Variants in ZCCHC7 observed in about 807,000 individuals in gnomAD.
The protein encoded by ZCCHC7 is zinc finger CCHC domain-containing protein 7.
ZCCHC7 carries 35 observed loss-of-function variants against 52.0 expected under a neutral mutation model. That is an observed-to-expected ratio of 0.67 (90% confidence interval 0.51 to 0.89). The LOEUF is 0.89. Ranked by LOEUF, ZCCHC7 falls within the 40% of genes least tolerant of loss-of-function variation. The pLI is 0.00. For synonymous variants in ZCCHC7, 217 were observed against 221.5 expected (o/e 0.98, Z 0.18); for missense variants, 574 against 649.1 (o/e 0.88, Z 1.26).
chr9:37,128,540 G>C (rs1436650419), intron 2 of ZCCHC7, among the ~76,000 whole-genome samples: 1 of 152,120 alleles, frequency 6.6e-6, no homozygotes, highest in Non-Finnish European at 1.5e-5. Context: ...TTGAGAAAAT[G>C]CATATTAGAA....
At chr9:37,328,329 A>G (rs914448855) in intron 6 of ZCCHC7, among the ~76,000 whole-genome samples, 4 of 152,040 alleles carry the variant, frequency 2.6e-5, no homozygotes, top group African/African-American at 9.7e-5. Flanking sequence ...GACTTATTCA[A>G]AATGTATAAA....
intron 2 of ZCCHC7, among the ~76,000 whole-genome samples, chr9:37,152,207 C>T (rs931464915): frequency 2.0e-5 from 3 of 150,814 alleles, no homozygotes; most frequent in Non-Finnish European, 4.4e-5. Flanking sequence ...TGAACTTCCC[C>T]CTTTCTTCAT....
At chr9:37,175,665 G>A (rs1452884017) in intron 2 of ZCCHC7, among the ~76,000 whole-genome samples, 2 of 152,066 alleles carry the variant, frequency 1.3e-5, no homozygotes, top group Admixed American at 6.5e-5. Context: ...TTAAACCCCC[G>A]AGGAGGCTGA....
Position 37,357,182 on chromosome 9 carries a change from G to C in ZCCHC7, c.1546G>C (p.Gly516Arg). Residue 516 changes from glycine to arginine, a missense_variant, in exon 9 of 9, where the codon GGC (glycine) becomes CGC (arginine). By Grantham distance (125) the Gly-to-Arg change is moderately radical (BLOSUM62 -2). Around this residue, in one of 3 missense-constraint regions of ZCCHC7, gnomAD observed 168 missense variants for 171.6 expected, o/e 0.98. Coordinates refer to ENST00000336755, the MANE Select transcript of ZCCHC7 (RefSeq NM_032226.3). ...EDKSPKEGKR[G>R]KQKKKERCWE... Reference sequence around the variant, plus strand: ...CAAGTCTCCCAAGGAAGGCAAGAGGGGCAAGCAGAAGAAAAAGGAGAGGTG... The same window carrying C: ...CAAGTCTCCCAAGGAAGGCAAGAGGCGCAAGCAGAAGAAAAAGGAGAGGTG... 1 of 1,613,354 alleles carries C rather than the reference G, an allele frequency of 6.2e-7. No homozygotes were observed. The highest frequency in any genetic ancestry group is 8.5e-7 in the Non-Finnish European group (1 of 1,179,882).
At chr9:37,292,610 A>AT (rs1469538795) in intron 2 of ZCCHC7, among the ~76,000 whole-genome samples, 2 of 152,172 alleles carry the variant, frequency 1.3e-5, no homozygotes, top group African/African-American at 4.8e-5. Flanking sequence ...AGATAAATCC[A>AT]TTAAAAAAAA....
In ZCCHC7 at chr9:37,285,879, A is replaced by T. The variant is rs148502848; in HGVS notation, c.611-16309A>T. Among the ~76,000 whole-genome samples, 127 of 152,338 alleles carry T rather than the reference A, an allele frequency of 8.3e-4. 1 individual carries two copies. Among genetic ancestry groups the T allele is most frequent in the African/African-American group, 2.8e-3 (117 of 41,590 alleles). On this transcript the variant is annotated intron_variant, in intron 2 of 8. Transcript: ENST00000336755. ...ATGGAACTGGTTCCTGTCTCCTTACATCCTGGTGTAATTATATAATAAAAG... is the reference window on the plus strand; with the variant it reads ...ATGGAACTGGTTCCTGTCTCCTTACTTCCTGGTGTAATTATATAATAAAAG...
chr9:37,304,506 A>T (rs531809744), intron 4 of ZCCHC7, among the ~76,000 whole-genome samples, 193 bp downstream of exon 4: 4 of 152,166 alleles, frequency 2.6e-5, no homozygotes, highest in South Asian at 4.2e-4. Context: ...ATATACAAAA[A>T]ATTAGCCGGG....
intron 5 of ZCCHC7, among the ~76,000 whole-genome samples, chr9:37,306,623 A>ATG (rs1329862553): frequency 1.4e-5 from 2 of 143,650 alleles, no homozygotes; most frequent in African/African-American, 2.6e-5. Context: ...GTGCCACCAC[A>ATG]CCTGGCTAAT....
rs532899900 is a variant in ZCCHC7 at position 37,187,860 on chromosome 9, G to A, written c.610+60918G>A. On this transcript the variant is annotated intron_variant, in intron 2 of 8. Coordinates refer to ENST00000336755, the MANE Select transcript of ZCCHC7 (RefSeq NM_032226.3). ...GTGGAACCCATGGGTATGAAGGCCC[G>A]ACTGTGCTGGGTTAAAAGGTCTTTT... Among the ~76,000 whole-genome samples, 31 of 152,118 alleles carry A rather than the reference G, an allele frequency of 2.0e-4. No homozygotes were observed. In the South Asian group the frequency reaches 5.6e-3, roughly 27 times the overall value.
intron 7 of ZCCHC7, 139 bp downstream of exon 7, chr9:37,349,591 G>A: frequency 1.2e-6 from 1 of 802,292 alleles, no homozygotes; most frequent in Non-Finnish European, 2.0e-6. Flanking sequence ...TTTTCAACTG[G>A]TTTACCCCTC....
chr9:37,126,405 C>T lies in ZCCHC7; in HGVS notation c.73C>T (p.Leu25=), dbSNP rs1212359008. 8.1e-6 allele frequency: 13 copies of T among 1,613,874 alleles called. No homozygotes were observed. Among genetic ancestry groups the T allele is most frequent in the Non-Finnish European group, 9.3e-6 (11 of 1,180,006 alleles). Residue 25 remains leucine (L), a synonymous_variant, in exon 2 of 9, where the codon CTG becomes TTG. Transcript: ENST00000336755. ...DLYRDESSSE[L]SVDSEVEFQL... ...TTATCGAGATGAGTCATCTAGTGAA[C>T]TGAGTGTTGATAGTGAGGTGGAATT... is the stretch of plus-strand genomic sequence containing the variant.
intron 2 of ZCCHC7, among the ~76,000 whole-genome samples, chr9:37,278,004 GT>G (rs1384806247): frequency 7.8e-6 from 1 of 127,442 alleles, no homozygotes; most frequent in Non-Finnish European, 1.8e-5. Context: ...AAAAAAAAAA[GT>G]TTTTTTGTTT....
chr9:37,152,791 A>G (rs1820602224), intron 2 of ZCCHC7, among the ~76,000 whole-genome samples: 1 of 152,174 alleles, frequency 6.6e-6, no homozygotes, highest in Non-Finnish European at 1.5e-5. Context: ...CTGTGAAGGT[A>G]TTCTTTTTTC....
intron 2 of ZCCHC7, among the ~76,000 whole-genome samples, chr9:37,217,852 A>G (rs1824594612): frequency 6.6e-6 from 1 of 152,182 alleles, no homozygotes; most frequent in African/African-American, 2.4e-5. Context: ...AAGATAAATC[A>G]TTTTTTAAAA....
At chr9:37,129,609 C>T (rs908248254) in intron 2 of ZCCHC7, among the ~76,000 whole-genome samples, 13 of 152,114 alleles carry the variant, frequency 8.5e-5, no homozygotes, top group African/African-American at 1.2e-4. Context: ...TAGAGAAAAT[C>T]TCAAGTACTT....
chr9:37,279,314 A>G (rs2133557578), intron 2 of ZCCHC7, among the ~76,000 whole-genome samples: 1 of 152,220 alleles, frequency 6.6e-6, no homozygotes, highest in Admixed American at 6.5e-5. Context: ...ATTTGGTGAC[A>G]AGTTTTTTAC....
chr9:37,156,208 A>G (rs1371918011), intron 2 of ZCCHC7, among the ~76,000 whole-genome samples: 3 of 152,156 alleles, frequency 2.0e-5, no homozygotes, highest in Admixed American at 6.6e-5. Flanking sequence ...GTAAGGCCAC[A>G]TTTTTGTGAA....
At chr9:37,262,163 A>G (rs1393896667) in intron 2 of ZCCHC7, among the ~76,000 whole-genome samples, 2 of 152,144 alleles carry the variant, frequency 1.3e-5, no homozygotes, top group African/African-American at 2.4e-5. Flanking sequence ...AGAGTTACAC[A>G]TGATCCAAGA....
At chr9:37,332,508 G>T (rs558859466) in intron 6 of ZCCHC7, among the ~76,000 whole-genome samples, 4 of 151,414 alleles carry the variant, frequency 2.6e-5, no homozygotes, top group African/African-American at 4.8e-5. Context: ...TACTTATCTT[G>T]TTCTTAAAGA....
Sources: allele counts gnomAD v4.1 joint callset (sites outside exome capture counted in the v4.1 genomes callset), GRCh38; gene constraint gnomAD v4.1.1; regional missense constraint gnomAD v4.1.1; transcripts MANE v1.5; gene names NCBI Gene and HGNC (gene_info 2026-07-23, HGNC 2026-07-21).